Variants in OSBPL10 observed in about 807,000 individuals in gnomAD.
The protein encoded by OSBPL10 is oxysterol-binding protein-related protein 10.
In OSBPL10, 49 loss-of-function variants were observed where a neutral mutation model predicts 81.7. The ratio of observed to expected loss-of-function variants is 0.60; its 90% CI spans 0.48 to 0.76. The LOEUF is 0.76. Ranked by LOEUF, OSBPL10 falls within the 30% of genes least tolerant of loss-of-function variation. The pLI, the probability that OSBPL10 is intolerant of heterozygous loss-of-function variation, is 0.00. For synonymous variants in OSBPL10, 419 were observed against 383.6 expected, an observed-to-expected ratio of 1.09 and a Z score of -1.08; for missense variants, 923 against 987.8, an observed-to-expected ratio of 0.93 and a Z score of 0.88.
intron 4 of OSBPL10, among the ~76,000 whole-genome samples, chr3:31,804,791 T>C (rs1166640991): frequency 6.6e-6 from 1 of 152,220 alleles, no homozygotes; most frequent in Non-Finnish European, 1.5e-5. Context: ...AATTAAGCTT[T>C]TTCAGAAGTT....
At chr3:31,917,885 G>C (rs1696803263) in intron 1 of OSBPL10, among the ~76,000 whole-genome samples, 1 of 151,726 alleles carries the variant, frequency 6.6e-6, no homozygotes, top group African/African-American at 2.4e-5. Flanking sequence ...TGTGATTACA[G>C]TTTAAAACAT....
At chr3:31,981,267 G>A (rs1319926421), upstream of OSBPL10, 2 of 1,302,584 alleles carry the variant, frequency 1.5e-6, no homozygotes, top group African/African-American at 1.6e-5. This position sits in a 1 kb window ranked among gnomAD's most constrained non-coding sequence, Gnocchi z 4.5. Context: ...CCGGACGCCC[G>A]GGCCGCGCGT....
At chr3:31,866,904 C>A (rs13077113) in intron 3 of OSBPL10, among the ~76,000 whole-genome samples, 37,891 of 152,056 alleles carry the variant, frequency 0.25, 4,889 homozygotes, top group Non-Finnish European at 0.29. Context: ...ATACACTCCT[C>A]AAAACTCAGT....
At chr3:31,848,486 T>C (rs138568540) in intron 3 of OSBPL10, among the ~76,000 whole-genome samples, 91 of 152,218 alleles carry the variant, frequency 6.0e-4, no homozygotes, top group Non-Finnish European at 1.1e-3. Context: ...TCAGTTCTTT[T>C]TAAAACTCAT....
intron 1 of OSBPL10, among the ~76,000 whole-genome samples, chr3:31,896,246 T>C (rs1373925081): frequency 1.3e-5 from 2 of 152,186 alleles, no homozygotes; most frequent in Non-Finnish European, 2.9e-5. Flanking sequence ...GCATCACTTT[T>C]CAGACTTCAC....
At chr3:31,868,289 G>GA (rs1449806123) in intron 3 of OSBPL10, among the ~76,000 whole-genome samples, 23 of 152,110 alleles carry the variant, frequency 1.5e-4, no homozygotes, top group African/African-American at 5.5e-4. Flanking sequence ...TTCCATTATA[G>GA]AAAAAAAGGC....
chr3:32,026,056 A>ATGATAGATAGATGAT (rs1553649784), intron 2 of OSBPL10, among the ~76,000 whole-genome samples: 33 of 104,364 alleles, frequency 3.2e-4, no homozygotes, highest in African/African-American at 1.1e-3. Flanking sequence ...AGATAGATAG[A>ATGATAGATAGATGAT]TGATAGATAG....
intron 3 of OSBPL10, among the ~76,000 whole-genome samples, chr3:31,850,833 G>A (rs879820907): frequency 7.2e-5 from 11 of 152,122 alleles, no homozygotes; most frequent in South Asian, 2.1e-4. Context: ...TCTACTTTAC[G>A]GAATAAGAAA....
At chr3:31,843,730 T>A (rs755761823) in intron 3 of OSBPL10, among the ~76,000 whole-genome samples, 4 of 152,286 alleles carry the variant, frequency 2.6e-5, no homozygotes, top group South Asian at 2.1e-4. Flanking sequence ...AAGAGCTACA[T>A]TGAGGAATAC....
intron 3 of OSBPL10, among the ~76,000 whole-genome samples, chr3:31,868,051 C>T (rs1266016757): frequency 4.7e-5 from 7 of 150,356 alleles, no homozygotes; most frequent in Admixed American, 6.6e-5. Flanking sequence ...TGCATATGAA[C>T]GTACAAGAAA....
chr3:32,003,892 G>A (rs976958858), intron 2 of OSBPL10, among the ~76,000 whole-genome samples: 8 of 152,122 alleles, frequency 5.3e-5, no homozygotes, highest in Non-Finnish European at 1.0e-4. Flanking sequence ...TCTAGAACAC[G>A]GGCTAATACT....
At chr3:31,785,732 T>TA (rs1698844358) in intron 4 of OSBPL10, among the ~76,000 whole-genome samples, 1 of 152,204 alleles carries the variant, frequency 6.6e-6, no homozygotes, top group Admixed American at 6.5e-5. Flanking sequence ...GGGATTCTTG[T>TA]AAGGCTTATC....
At chr3:31,965,426 G>T (rs1232603042) in intron 1 of OSBPL10, among the ~76,000 whole-genome samples, 14 of 88,934 alleles carry the variant, frequency 1.6e-4, no homozygotes, top group South Asian at 6.5e-4. Context: ...ATATATAATA[G>T]ATAATATATA....
At position 31,954,260 on chromosome 3, in the gene OSBPL10, CT is replaced by C. The variant is rs535622005; in HGVS notation, c.281+26638del. On this transcript the variant is annotated intron_variant, in intron 1 of 11. Transcript: ENST00000396556. ...AGATGCCACAGGCCTGGAGGAGGTA[CT>C]GAATTAAATGGCCTCTAAGCCCCTC... Among the ~76,000 whole-genome samples the C allele has an allele frequency of 1.9e-3, 284 of 152,254 alleles. 1 individual carries two copies. The highest frequency in any genetic ancestry group is 6.6e-3 in the African/African-American group (274 of 41,530).
At chr3:32,011,892 A>T (rs962141343) in intron 2 of OSBPL10, among the ~76,000 whole-genome samples, 3 of 152,212 alleles carry the variant, frequency 2.0e-5, no homozygotes, top group Admixed American at 2.0e-4. Context: ...GAAGTCAGAA[A>T]AAAAAGAATA....
intron 1 of OSBPL10, among the ~76,000 whole-genome samples, chr3:31,970,037 A>G (rs1401528377): frequency 6.6e-6 from 1 of 152,166 alleles, no homozygotes; most frequent in Non-Finnish European, 1.5e-5. Flanking sequence ...ATGAAGGGGT[A>G]GGAGACCAAG....
chr3:31,968,092 ATTAT>A (rs1193920231), intron 1 of OSBPL10, among the ~76,000 whole-genome samples: 2 of 152,230 alleles, frequency 1.3e-5, no homozygotes, highest in African/African-American at 4.8e-5. Context: ...CAGTTGCTTT[ATTAT>A]TTTTTCTTTC....
intron 1 of OSBPL10, among the ~76,000 whole-genome samples, chr3:31,935,099 A>G (rs776044654): frequency 1.3e-4 from 20 of 152,206 alleles, no homozygotes; most frequent in Non-Finnish European, 2.5e-4. Context: ...CCAGCCTCAC[A>G]GATCCTGTTT....
chr3:31,935,442 G>C (rs1395489736), intron 1 of OSBPL10, among the ~76,000 whole-genome samples: 1 of 151,186 alleles, frequency 6.6e-6, no homozygotes, highest in Non-Finnish European at 1.5e-5. Context: ...AACAGCATTT[G>C]GTGCAATTCA....
Sources: gnomAD v4.1 joint callset for allele counts (sites outside exome capture counted in the v4.1 genomes callset) on GRCh38, gnomAD v4.1.1 for gene constraint, Gnocchi (gnomAD v3.1) non-coding constraint, MANE v1.5 for transcripts, NCBI Gene and HGNC (gene_info 2026-07-23, HGNC 2026-07-21) for gene names.